Variants in SIPA1L3 observed in about 807,000 individuals in gnomAD.
SIPA1L3 encodes signal-induced proliferation-associated 1-like protein 3.
In SIPA1L3, 59 loss-of-function variants were observed where a neutral mutation model predicts 150.1. The ratio of observed to expected loss-of-function variants is 0.39; its 90% CI spans 0.32 to 0.49. SIPA1L3 has a LOEUF of 0.49. Among genes scored for constraint, SIPA1L3 ranks in the 20% least tolerant of loss-of-function variants. The pLI is 0.86. For synonymous variants in SIPA1L3, 1,070 were observed against 1,077.6 expected (o/e 0.99, Z 0.14); for missense variants, 2,211 against 2,489.5 (o/e 0.89, Z 2.38).
chr19:38,096,064 TGTTA>T (rs1970374012), intron 4 of SIPA1L3, among the ~76,000 whole-genome samples: 1 of 152,164 alleles, frequency 6.6e-6, no homozygotes, highest in Non-Finnish European at 1.5e-5. Context: ...TTTGTTTGTT[TGTTA>T]ATTACCGGGG....
At chr19:37,977,752 C>G (rs1231286486) in intron 1 of SIPA1L3, among the ~76,000 whole-genome samples, 1 of 152,202 alleles carries the variant, frequency 6.6e-6, no homozygotes, top group Non-Finnish European at 1.5e-5. Flanking sequence ...TACTTCCCTG[C>G]TTTGTGCCAT....
At chr19:38,048,139 T>A (rs1269341493) in intron 2 of SIPA1L3, among the ~76,000 whole-genome samples, 3 of 152,174 alleles carry the variant, frequency 2.0e-5, no homozygotes, top group African/African-American at 7.2e-5. Flanking sequence ...CTACAGAGAT[T>A]TTCTCTTGTT....
intron 10 of SIPA1L3, among the ~76,000 whole-genome samples, chr19:38,132,796 T>C (rs991726723): frequency 6.6e-6 from 1 of 151,628 alleles, no homozygotes; most frequent in Non-Finnish European, 1.5e-5. Flanking sequence ...TACAGGCATG[T>C]AGCACCACAC....
intron 9 of SIPA1L3, among the ~76,000 whole-genome samples, chr19:38,128,629 G>T (rs1971233081): frequency 6.9e-6 from 1 of 144,654 alleles, no homozygotes; most frequent in East Asian, 1.9e-4. Context: ...GGGCGCAGTG[G>T]CTCACGCCTG....
intron 2 of SIPA1L3, among the ~76,000 whole-genome samples, chr19:38,058,221 C>T (rs1003399475): frequency 4.6e-5 from 7 of 152,154 alleles, no homozygotes; most frequent in African/African-American, 1.2e-4. Flanking sequence ...GAACAGCAGG[C>T]CCTCGCCATC....
intron 2 of SIPA1L3, among the ~76,000 whole-genome samples, chr19:38,077,661 C>CTTTTTTTTT (rs58788182): frequency 0.02 from 1,270 of 64,272 alleles, 214 homozygotes; most frequent in African/African-American, 0.022. Flanking sequence ...TTTTCTTTTT[C>CTTTTTTTTT]TTTTTTTTTT....
At chr19:37,981,283 A>C (rs1568487830) in intron 1 of SIPA1L3, among the ~76,000 whole-genome samples, 1 of 152,104 alleles carries the variant, frequency 6.6e-6, no homozygotes, top group Non-Finnish European at 1.5e-5. Flanking sequence ...AAAATGAGCC[A>C]GGTGGTGGCA....
chr19:37,940,336 A>G (rs1599818691), intron 1 of SIPA1L3, among the ~76,000 whole-genome samples: 1 of 151,790 alleles, frequency 6.6e-6, no homozygotes, highest in East Asian at 1.9e-4. Flanking sequence ...CCTCTTACTA[A>G]CTCATGACCA....
chr19:38,082,668 C>A lies in SIPA1L3; in HGVS notation c.1103C>A (p.Thr368Asn). 1 of 1,608,610 alleles carries A rather than the reference C, an allele frequency of 6.2e-7. No individual in the cohort carries two copies. Among genetic ancestry groups the A allele is most frequent in the Non-Finnish European group, 8.5e-7 (1 of 1,179,460 alleles). The stretch of plus-strand genomic sequence containing the variant: ...GTGTCGGTGTCGCAGCGGCGGAACA[C>A]CACCACGGGTGCTTCGGCCGCTTCC... Reference protein sequence around the residue: ...NRVSVSQRRNTTTGASAASAA... With the variant: ...NRVSVSQRRNNTTGASAASAA... The change falls in exon 3 of 22, where the codon ACC becomes AAC. Residue 368 changes from threonine (T) to asparagine (N), a missense_variant. Around this residue, in one of 5 missense-constraint regions of SIPA1L3, gnomAD observed 587 missense variants for 534.5 expected, o/e 1.10. Transcript: ENST00000222345.
At chr19:37,962,146 C>CTTTTTTTTTTTTTTTT (rs369762947) in intron 1 of SIPA1L3, among the ~76,000 whole-genome samples, 1 of 142,246 alleles carries the variant, frequency 7.0e-6, no homozygotes. Flanking sequence ...TTCTTTCATT[C>CTTTTTTTTTTTTTTTT]TTTTTTTTTT....
At chr19:37,964,821 T>C (rs1367004710) in intron 1 of SIPA1L3, 1 of 152,092 alleles carries the variant, frequency 6.6e-6, no homozygotes, top group African/African-American at 2.4e-5. Context: ...AATTTCTTAA[T>C]ATCATAAAAT....
Position 38,110,274 on chromosome 19 carries a change from C to T in SIPA1L3, c.2181C>T (p.Phe727=), listed in dbSNP as rs778495941. The T allele has an allele frequency of 6.2e-7, 1 of 1,614,180 alleles. No individual in the cohort carries two copies. Among genetic ancestry groups the T allele is most frequent in the East Asian group, 2.2e-5 (1 of 44,892 alleles). ...HIGNDIVTII[F]QEPGALPFTP... ...GAAATGACATCGTGACGATCATCTTCCAGGAGCCTGGCGCGCTACCGTTCA... is the reference window on the plus strand; with the variant it reads ...GAAATGACATCGTGACGATCATCTTTCAGGAGCCTGGCGCGCTACCGTTCA... Residue 727 remains phenylalanine, a synonymous_variant, in exon 8 of 22, where the codon TTC becomes TTT. Coordinates refer to ENST00000222345, the MANE Select transcript of SIPA1L3 (RefSeq NM_015073.3).
At chr19:37,914,657 G>A (rs1162652016) in intron 1 of SIPA1L3, among the ~76,000 whole-genome samples, 1 of 152,068 alleles carries the variant, frequency 6.6e-6, no homozygotes, top group East Asian at 1.9e-4. Flanking sequence ...GATTACAGGT[G>A]TGAGCCACTG....
chr19:37,941,361 G>A (rs1175921843), intron 1 of SIPA1L3, among the ~76,000 whole-genome samples: 1 of 151,768 alleles, frequency 6.6e-6, no homozygotes, highest in Non-Finnish European at 1.5e-5. Context: ...CTATTATTCA[G>A]TTATCCTGAG....
At chr19:38,105,674 CTG>C (rs2145868360) in intron 6 of SIPA1L3, among the ~76,000 whole-genome samples, 1 of 152,330 alleles carries the variant, frequency 6.6e-6, no homozygotes, top group African/African-American at 2.4e-5. Context: ...TGGGATCACA[CTG>C]TGTGTGCTGC....
intron 2 of SIPA1L3, among the ~76,000 whole-genome samples, chr19:38,033,182 C>T (rs747789988): frequency 4.6e-5 from 7 of 152,242 alleles, no homozygotes; most frequent in Non-Finnish European, 1.0e-4. Flanking sequence ...TGAGTATTGC[C>T]AGATCTGATG....
In SIPA1L3 at chr19:38,106,627, A is replaced by G. The variant is rs1970629683; in HGVS notation, c.2120A>G (p.Asn707Ser). The G allele has an allele frequency of 1.2e-6, 2 of 1,610,958 alleles. No individual in the cohort carries two copies. The highest frequency in any genetic ancestry group is 1.7e-6 in the Non-Finnish European group (2 of 1,177,354). Residue 707 changes from asparagine (N) to serine (S), a missense_variant, in exon 7 of 22, where the codon AAC (asparagine) becomes AGC (serine). Physicochemically the swap from Asn to Ser is conservative, Grantham distance 46. This residue lies in a region of SIPA1L3 where 625 missense variants were observed against 804.2 expected (regional missense o/e 0.78). Coordinates refer to ENST00000222345, the MANE Select transcript of SIPA1L3 (RefSeq NM_015073.3). ...HVSTLLPYTPNNRQQLLRKRH... is the reference protein window; with the variant it reads ...HVSTLLPYTPSNRQQLLRKRH... ...TCCACCCTGCTCCCTTACACCCCCA[A>G]CAACAGGCAGCAGGTCAGTGATTTT...
chr19:37,954,458 G>C (rs2046791203), intron 1 of SIPA1L3, among the ~76,000 whole-genome samples: 1 of 152,112 alleles, frequency 6.6e-6, no homozygotes, highest in African/African-American at 2.4e-5. Context: ...GTGCTCCTTG[G>C]GAAAATGGGG....
intron 1 of SIPA1L3, among the ~76,000 whole-genome samples, chr19:37,959,859 T>C (rs353421): frequency 0.3 from 44,197 of 147,724 alleles, 8,321 homozygotes; most frequent in East Asian, 0.68. Flanking sequence ...GATCACAGCA[T>C]GCGTCTAAAT....
Sources: allele counts gnomAD v4.1 joint callset (sites outside exome capture counted in the v4.1 genomes callset), GRCh38; gene constraint gnomAD v4.1.1; regional missense constraint gnomAD v4.1.1; transcripts MANE v1.5; gene names NCBI Gene and HGNC (gene_info 2026-07-23, HGNC 2026-07-21).